The following TMOD3 variants were observed in gnomAD, a reference collection of about 807,000 sequenced individuals.
TMOD3 encodes tropomodulin-3.
In TMOD3, 20 loss-of-function variants were observed where a neutral mutation model predicts 39.2. The ratio of observed to expected loss-of-function variants is 0.51; its 90% CI spans 0.36 to 0.74. The LOEUF is 0.74. Among genes scored for constraint, TMOD3 ranks in the 30% least tolerant of loss-of-function variants. TMOD3 has a pLI of 0.00. For missense variants in TMOD3, 381 were observed against 412.8 expected (o/e 0.92, Z 0.67); for synonymous variants, 143 against 145.8 (o/e 0.98, Z 0.14).
At position 51,902,182 on chromosome 15, in the gene TMOD3, G is replaced by C. The variant is rs1452186035; in HGVS notation, c.1024+146G>C. On this transcript the variant is annotated intron_variant, in intron 9 of 9. Transcript: ENST00000308580. ...CTGCATGGTCCTTTATATACTGATT[G>C]AATTCAAGTTCAATTAAAGTGAGGT... The C allele has an allele frequency of 4.5e-6, 4 of 897,234 alleles. No homozygotes were observed. In the African/African-American group the frequency reaches 6.9e-5, roughly 15 times the overall value. 55.6% of individuals were successfully genotyped at this position (897,234 alleles called of 1,614,324 possible). A position where few individuals can be genotyped will look rare whatever the true frequency, so the allele number is the denominator to read the frequency against.
At chr15:51,883,397 T>C (rs905712665) in intron 3 of TMOD3, among the ~76,000 whole-genome samples, 2 of 152,244 alleles carry the variant, frequency 1.3e-5, no homozygotes, top group Non-Finnish European at 2.9e-5. Context: ...TTTATGATGC[T>C]TTAGATTCCA....
chr15:51,914,965 C>T lies in TMOD3; in HGVS notation c.*6155C>T, dbSNP rs1236703009. The stretch of plus-strand genomic sequence containing the variant: ...CAGGCTGGTCTCGAACTCCTGACCT[C>T]GTAATCCACCCGCCTCGGCCTCCCA... On this transcript the variant is annotated 3_prime_UTR_variant, in exon 10 of 10. Coordinates refer to ENST00000308580, the MANE Select transcript of TMOD3 (RefSeq NM_014547.5). 6 of 151,942 alleles carry T rather than the reference C, an allele frequency of 3.9e-5. No homozygotes were observed. Among genetic ancestry groups the T allele is most frequent in the Admixed American group, 2.6e-4 (4 of 15,240 alleles). The allele number at this position is 151,942 out of a possible 1,614,324, so 9.4% of individuals were successfully genotyped here. A position where few individuals can be genotyped will look rare whatever the true frequency, so the allele number is the denominator to read the frequency against.
At chr15:51,869,776 A>G (rs1213791439) in intron 3 of TMOD3, among the ~76,000 whole-genome samples, 1 of 152,236 alleles carries the variant, frequency 6.6e-6, no homozygotes, top group Non-Finnish European at 1.5e-5. Flanking sequence ...GACCCTTTTA[A>G]AAAGCTATTC....
In TMOD3 at chr15:51,887,667, A is replaced by C. The variant is rs1790127938; in HGVS notation, c.362A>C (p.Glu121Ala). 6.2e-7 allele frequency: 1 copy of C among 1,614,018 alleles called. No homozygotes were observed. The highest frequency in any genetic ancestry group is 8.5e-7 in the Non-Finnish European group (1 of 1,179,968). ...EKVSLDPELE[E>A]ALTSASDTEL... ...GTGTCTCTTGATCCAGAATTAGAAG[A>C]AGCTTTGACAAGTGCTTCTGATACA... The change falls in exon 4 of 10, where the codon GAA becomes GCA. Residue 121 changes from glutamate (E) to alanine (A), a missense_variant. Transcript: ENST00000308580.
chr15:51,889,567 G>A (rs912989841), intron 5 of TMOD3, among the ~76,000 whole-genome samples: 7 of 152,246 alleles, frequency 4.6e-5, no homozygotes, highest in Admixed American at 1.3e-4. Context: ...CTAAAGCAAA[G>A]CTTTTCAGAA....
chr15:51,867,760 T>C (rs527534218), intron 2 of TMOD3, among the ~76,000 whole-genome samples: 18 of 152,312 alleles, frequency 1.2e-4, no homozygotes, highest in East Asian at 1.9e-4. Context: ...AGCAAAGATA[T>C]ACCCAGAAAT....
At chr15:51,854,516 C>A (rs1165359942) in intron 1 of TMOD3, among the ~76,000 whole-genome samples, 1 of 152,344 alleles carries the variant, frequency 6.6e-6, no homozygotes, top group African/African-American at 2.4e-5. Flanking sequence ...CATAGACTAT[C>A]TCTCTGAATC....
Position 51,867,204 on chromosome 15 carries a change from A to G in TMOD3, c.127-2013A>G, listed in dbSNP as rs537450980. ...AGGCAGCTGATCCAGGTGGGAAGCT[A>G]ATGTAACAGTCTCAGCAAGCTTAGA... On this transcript the variant is annotated intron_variant, in intron 2 of 9. Coordinates refer to ENST00000308580, the MANE Select transcript of TMOD3 (RefSeq NM_014547.5). 5.9e-5 allele frequency among the ~76,000 whole-genome samples: 9 copies of G among 152,322 alleles called. No individual in the cohort carries two copies. In the South Asian group the frequency reaches 1.9e-3, roughly 32 times the overall value.
intron 2 of TMOD3, 74 bp downstream of exon 2, chr15:51,863,084 T>C: frequency 6.8e-7 from 1 of 1,471,788 alleles, no homozygotes; most frequent in South Asian, 1.3e-5. Context: ...CCTTTGAGCT[T>C]TTCCATGACT....
At chr15:51,892,020 A>T (rs2056596023) in intron 5 of TMOD3, among the ~76,000 whole-genome samples, 1 of 152,190 alleles carries the variant, frequency 6.6e-6, no homozygotes, top group Non-Finnish European at 1.5e-5. Context: ...TTTTCACCTG[A>T]CCTCGGGAAA....
At position 51,905,950 on chromosome 15, in the gene TMOD3, C is replaced by CAAAAAA. The variant is rs869172248; in HGVS notation, c.1025-2801_1025-2796dup. ...TGGGCAACAGAGCGAGACTCCGTCT[C>CAAAAAA]AAAAAAAAAAAAAAAAAAAAAAAAA... On this transcript the variant is annotated intron_variant, in intron 9 of 9. Coordinates refer to ENST00000308580, the MANE Select transcript of TMOD3 (RefSeq NM_014547.5). Among the ~76,000 whole-genome samples, 81 of 64,726 alleles carry CAAAAAA rather than the reference C, an allele frequency of 1.3e-3. 2 individuals are homozygous for CAAAAAA. The highest frequency in any genetic ancestry group is 1.9e-3 in the African/African-American group (32 of 16,576). 42.5% of individuals were successfully genotyped at this position (64,726 alleles called of 152,430 possible).
In TMOD3 at chr15:51,862,893, G is replaced by C. The variant is rs751441960; in HGVS notation, c.9G>C (p.Leu3=). 6.2e-7 allele frequency: 1 copy of C among 1,613,334 alleles called. No homozygotes were observed. The change falls in exon 2 of 10, where the codon CTG becomes CTC. Residue 3 remains leucine, a synonymous_variant. Transcript: ENST00000308580. ...TTGCTGCCCTGCACATCATGGCACT[G>C]CCATTCCGTAAGGACTTAGAAAAGT... MA[L]PFRKDLEKYK... is the part of the protein sequence containing the mutation.
In TMOD3 at chr15:51,910,861, T is replaced by A. The variant is rs2056707507; in HGVS notation, c.*2051T>A. 1 of 152,178 alleles carries A rather than the reference T, an allele frequency of 6.6e-6. No homozygotes were observed. Among genetic ancestry groups the A allele is most frequent in the South Asian group, 2.1e-4 (1 of 4,830 alleles). 9.4% of individuals were successfully genotyped at this position (152,178 alleles called of 1,614,324 possible). A position where few individuals can be genotyped will look rare whatever the true frequency, so the allele number is the denominator to read the frequency against. On this transcript the variant is annotated 3_prime_UTR_variant, in exon 10 of 10. Coordinates refer to ENST00000308580, the MANE Select transcript of TMOD3 (RefSeq NM_014547.5). ...TAACTTTGCACTATTCCCTGTCAGT[T>A]AAAGGCCACTGATATTTTTCTAAGT...
rs182222479 is a variant in TMOD3 at position 51,868,686 on chromosome 15, C to T, written c.127-531C>T. On this transcript the variant is annotated intron_variant, in intron 2 of 9. Coordinates refer to ENST00000308580, the MANE Select transcript of TMOD3 (RefSeq NM_014547.5). ...CTGAAGAAAATGTTCTATTAGAAAA[C>T]GTATGCTGGGCGCGGTGGCTCACAC... Among the ~76,000 whole-genome samples the T allele has an allele frequency of 2.8e-4, 43 of 152,264 alleles. 1 individual carries two copies. Among genetic ancestry groups the T allele is most frequent in the Admixed American group, 7.9e-4 (12 of 15,282 alleles).
chr15:51,868,732 G>T (rs1300556212), intron 2 of TMOD3, among the ~76,000 whole-genome samples: 3 of 152,202 alleles, frequency 2.0e-5, no homozygotes, highest in Non-Finnish European at 2.9e-5. Context: ...AACACTTTGG[G>T]CAGCCGAGGA....
At chr15:51,859,151 A>G (rs1030503944) in intron 1 of TMOD3, 1 of 683,990 alleles carries the variant, frequency 1.5e-6, no homozygotes, top group Admixed American at 1.9e-5. Flanking sequence ...GGCTTGCAAT[A>G]CTGTTTCACA....
intron 3 of TMOD3, among the ~76,000 whole-genome samples, chr15:51,886,415 G>A (rs371899815): frequency 2.0e-5 from 3 of 152,340 alleles, no homozygotes; most frequent in South Asian, 2.1e-4. Context: ...CTGCAATCCC[G>A]GCACCTCGGG....
intron 1 of TMOD3, among the ~76,000 whole-genome samples, chr15:51,858,530 A>T (rs1380570514): frequency 6.6e-6 from 1 of 151,862 alleles, no homozygotes; most frequent in Non-Finnish European, 1.5e-5. Context: ...GTTGCCTGCA[A>T]TGTAGTATCT....
At chr15:51,876,622 C>T (rs886380699) in intron 3 of TMOD3, among the ~76,000 whole-genome samples, 6 of 151,978 alleles carry the variant, frequency 3.9e-5, no homozygotes, top group Non-Finnish European at 7.4e-5. Context: ...CCACCTCGCC[C>T]GGCTAATTTT....
Sources: gnomAD v4.1 joint callset for allele counts (sites outside exome capture counted in the v4.1 genomes callset) on GRCh38, gnomAD v4.1.1 for gene constraint, MANE v1.5 for transcripts, NCBI Gene and HGNC (gene_info 2026-07-23, HGNC 2026-07-21) for gene names.